The following KLF17 variants were observed in gnomAD, a reference collection of about 807,000 sequenced individuals.
KLF17 encodes the protein Krueppel-like factor 17.
KLF17 carries 31 observed loss-of-function variants against 34.2 expected under a neutral mutation model. That is an observed-to-expected ratio of 0.91 (90% CI 0.68 to 1.22). KLF17 has a LOEUF of 1.22. Ranked by LOEUF, KLF17 falls within the 50% of genes most tolerant of loss-of-function variation. The pLI is 0.00. For missense variants in KLF17, 478 were observed against 505.2 expected, an observed-to-expected ratio of 0.95 and a Z score of 0.52; for synonymous variants, 179 against 186.7, an observed-to-expected ratio of 0.96 and a Z score of 0.34.
intron 1 of KLF17, among the ~76,000 whole-genome samples, chr1:44,128,965 T>C (rs2088062772): frequency 6.6e-6 from 1 of 151,414 alleles, no homozygotes; most frequent in South Asian, 2.1e-4. Context: ...TGAGCCAAGA[T>C]CACGCCATTG....
the KLF17 span, chr1:44,104,043 A>G: frequency 1.1e-6 from 1 of 870,218 alleles, no homozygotes; most frequent in African/African-American, 1.6e-5. Context: ...GGACAGCACC[A>G]CAGACGTGGC....
the KLF17 span, among the ~76,000 whole-genome samples, chr1:44,113,181 T>C: frequency 0.047 from 7,140 of 152,256 alleles, 222 homozygotes; most frequent in African/African-American, 0.091. Flanking sequence ...TGGGAGGATT[T>C]CTTGAGCCCA....
chr1:44,077,004 GGATTACAGGTGT>G, the KLF17 span, among the ~76,000 whole-genome samples: 3 of 149,360 alleles, frequency 2.0e-5, no homozygotes, highest in Admixed American at 2.0e-4. Context: ...CAAAGTGCTG[GGATTACAGGTGT>G]GAGCCACTGC....
the KLF17 span, among the ~76,000 whole-genome samples, chr1:44,077,039 T>C: frequency 6.6e-6 from 1 of 151,030 alleles, no homozygotes. Context: ...CCAGCCTTTT[T>C]CTTTCTTTTT....
At chr1:44,073,408 G>A in the KLF17 span, among the ~76,000 whole-genome samples, 1 of 151,312 alleles carries the variant, frequency 6.6e-6, no homozygotes, top group Admixed American at 6.6e-5. Flanking sequence ...GTTTCACCAT[G>A]TTGGCCAGGC....
the KLF17 span, among the ~76,000 whole-genome samples, chr1:44,070,590 C>CTTTT: frequency 3.2e-4 from 25 of 78,680 alleles, 3 homozygotes; most frequent in African/African-American, 9.8e-4. Flanking sequence ...TTTCCCTTGT[C>CTTTT]TTTTTTTTTT....
chr1:44,045,737 A>C, the KLF17 span, among the ~76,000 whole-genome samples: 30,907 of 152,010 alleles, frequency 0.2, 3,388 homozygotes, highest in South Asian at 0.34. Context: ...ATTTCACTCA[A>C]ATGCTTTCTC....
Position 44,133,489 on chromosome 1 carries a change from A to T in KLF17, c.*252A>T, listed in dbSNP as rs1413277387. On this transcript the variant is annotated 3_prime_UTR_variant, in exon 4 of 4. Transcript: ENST00000372299. ...GACTCATGGGGGCTAGCTGCACCTC[A>T]CATTTCTTGGACATATACCGTTGGA... 6.6e-6 allele frequency: 1 copy of T among 152,258 alleles called. No homozygotes were observed. Among genetic ancestry groups the T allele is most frequent in the Non-Finnish European group, 1.5e-5 (1 of 68,066 alleles). The allele number at this position is 152,258 out of a possible 1,614,324, so 9.4% of individuals were successfully genotyped here. A position where few individuals can be genotyped will look rare whatever the true frequency, so the allele number is the denominator to read the frequency against.
At chr1:44,051,943 G>A in the KLF17 span, among the ~76,000 whole-genome samples, 5 of 152,278 alleles carry the variant, frequency 3.3e-5, no homozygotes, top group South Asian at 1.0e-3. Context: ...TGCTGAAAAT[G>A]CTCTGGGGTT....
the KLF17 span, among the ~76,000 whole-genome samples, chr1:44,085,822 A>G: frequency 1.7e-4 from 25 of 150,670 alleles, no homozygotes; most frequent in African/African-American, 5.8e-4. Flanking sequence ...AAAAAAAAAA[A>G]AAAAAAAAAA....
intron 1 of KLF17, chr1:44,122,257 T>C (rs949647638): frequency 1.2e-6 from 2 of 1,603,060 alleles, no homozygotes; most frequent in South Asian, 2.2e-5. Flanking sequence ...GATTTCACCT[T>C]AGGTTCAACA....
chr1:44,104,576 G>A, the KLF17 span: 3 of 657,976 alleles, frequency 4.6e-6, no homozygotes, highest in South Asian at 1.6e-5. Context: ...GACTGTGACA[G>A]CAGTGATGCC....
intron 1 of KLF17, among the ~76,000 whole-genome samples, chr1:44,119,363 G>A (rs1465104470): frequency 6.7e-6 from 1 of 149,226 alleles, no homozygotes; most frequent in African/African-American, 2.5e-5. Context: ...GAGTAGGCAG[G>A]ACAGCAAAGA....
At chr1:44,108,660 CTTTTTTTTT>C in the KLF17 span, among the ~76,000 whole-genome samples, 18 of 75,344 alleles carry the variant, frequency 2.4e-4, no homozygotes, top group African/African-American at 5.5e-4. Context: ...TTTGTTAGCT[CTTTTTTTTT>C]TTTTTTTTTT....
the KLF17 span, among the ~76,000 whole-genome samples, chr1:44,049,259 AC>A: frequency 1.3e-5 from 2 of 151,850 alleles, no homozygotes; most frequent in Non-Finnish European, 2.9e-5. Flanking sequence ...CTTCCCAACG[AC>A]CCCGTCTCCT....
the KLF17 span, among the ~76,000 whole-genome samples, chr1:44,080,072 G>A: frequency 1.3e-5 from 2 of 151,770 alleles, no homozygotes; most frequent in Non-Finnish European, 2.9e-5. Context: ...GGGATTACAG[G>A]TGCGTGCCAC....
chr1:44,129,743 C>T lies in KLF17; in HGVS notation c.472C>T (p.Leu158=). Residue 158 remains leucine (L), a synonymous_variant, in exon 2 of 4, where the codon CTG becomes TTG. Transcript: ENST00000372299. The part of the protein sequence containing the change: ...GGNLRMPPNG[L]PVSASTGIPI... Reference sequence around the variant, plus strand: ...GAATCTAAGGATGCCCCCCAATGGGCTGCCAGTCTCGGCTTCCACTGGAAT... The same window carrying T: ...GAATCTAAGGATGCCCCCCAATGGGTTGCCAGTCTCGGCTTCCACTGGAAT... 1.2e-6 allele frequency: 2 copies of T among 1,614,156 alleles called. No individual in the cohort carries two copies. The highest frequency in any genetic ancestry group is 8.5e-7 in the Non-Finnish European group (1 of 1,180,006).
chr1:44,068,017 C>T, the KLF17 span, among the ~76,000 whole-genome samples: 1 of 148,820 alleles, frequency 6.7e-6, no homozygotes, highest in African/African-American at 2.5e-5. Flanking sequence ...GCCCTTTCCT[C>T]AGCACTTTTT....
At chr1:44,091,653 AAAG>A in the KLF17 span, among the ~76,000 whole-genome samples, 3 of 150,944 alleles carry the variant, frequency 2.0e-5, no homozygotes, top group Non-Finnish European at 3.0e-5. Flanking sequence ...AAAAAAAAAA[AAAG>A]AAGAACAAGA....
Sources: gnomAD v4.1 joint callset for allele counts (sites outside exome capture counted in the v4.1 genomes callset) on GRCh38, gnomAD v4.1.1 for gene constraint, MANE v1.5 for transcripts, NCBI Gene and HGNC (gene_info 2026-07-23, HGNC 2026-07-21) for gene names.